Variants in CHST6 observed in about 807,000 individuals in gnomAD.
The protein encoded by CHST6 is carbohydrate sulfotransferase 6.
For synonymous variants in CHST6, 309 were observed against 276.4 expected (o/e 1.12, Z -1.17); for missense variants, 698 against 586.2 (o/e 1.19, Z -1.97).
chr16:75,491,012 T>C (rs943871730), intron 1 of CHST6, among the ~76,000 whole-genome samples: 6 of 151,168 alleles, frequency 4.0e-5, no homozygotes, highest in African/African-American at 1.2e-4. Context: ...TTTTAAAATA[T>C]AAACTTTGGG....
In CHST6 at chr16:75,479,820, C is replaced by T. The variant is rs1401069449; in HGVS notation, c.9G>A (p.Leu3=). 1.9e-6 allele frequency: 3 copies of T among 1,557,486 alleles called. No individual in the cohort carries two copies. The South Asian group carries it at 3.5e-5, about 18-fold the overall frequency. The change falls in exon 3 of 3, where the codon CTG becomes CTA. Residue 3 remains leucine, a synonymous_variant. Coordinates refer to ENST00000332272, the MANE Select transcript of CHST6 (RefSeq NM_021615.5). MW[L]PRVSSTAVTA... Reference sequence around the variant, plus strand: ...TCACTGCTGTGCTGGAGACGCGCGGCAGCCACATGCTGACTGCTGGGGGCC... The same window carrying T: ...TCACTGCTGTGCTGGAGACGCGCGGTAGCCACATGCTGACTGCTGGGGGCC...
intron 1 of CHST6, among the ~76,000 whole-genome samples, chr16:75,487,074 A>G (rs2080205541): frequency 6.6e-6 from 1 of 152,208 alleles, no homozygotes; most frequent in Non-Finnish European, 1.5e-5. Context: ...ACATGAACAA[A>G]TACTTGCCAT....
intron 1 of CHST6, among the ~76,000 whole-genome samples, chr16:75,489,088 G>C (rs547765533): frequency 2.6e-5 from 4 of 151,758 alleles, no homozygotes; most frequent in Non-Finnish European, 4.4e-5. Flanking sequence ...TTATAGATGA[G>C]GAAAGTGAGG....
chr16:75,489,581 T>C (rs1169944560), intron 1 of CHST6, among the ~76,000 whole-genome samples: 1 of 151,890 alleles, frequency 6.6e-6, no homozygotes, highest in African/African-American at 2.4e-5. Flanking sequence ...CATCTGTGTG[T>C]GTTCTTAGAT....
intron 1 of CHST6, among the ~76,000 whole-genome samples, chr16:75,494,698 G>A (rs1233602353): frequency 2.0e-5 from 3 of 152,188 alleles, no homozygotes. Context: ...GACAAAAGGG[G>A]TTCTCCCCTC....
Position 75,478,341 on chromosome 16 carries a change from A to C in CHST6, c.*300T>G. 2.2e-6 allele frequency: 1 copy of C among 453,756 alleles called. No homozygotes were observed. The highest frequency in any genetic ancestry group is 3.4e-5 in the Admixed American group (1 of 29,010). 28.1% of individuals were successfully genotyped at this position (453,756 alleles called of 1,614,324 possible). Reference sequence around the variant, plus strand: ...ACCAGAAGGAGAGAGTTAAAGGGGAAGAAAGCCCTTGAGTAGGAGCCAAGT... The same window carrying C: ...ACCAGAAGGAGAGAGTTAAAGGGGACGAAAGCCCTTGAGTAGGAGCCAAGT... On this transcript the variant is annotated 3_prime_UTR_variant, in exon 3 of 3. Coordinates refer to ENST00000332272, the MANE Select transcript of CHST6 (RefSeq NM_021615.5).
chr16:75,488,859 C>G (rs1027173874), intron 1 of CHST6, among the ~76,000 whole-genome samples: 3 of 151,888 alleles, frequency 2.0e-5, no homozygotes, highest in African/African-American at 7.3e-5. Context: ...TGCACTCCAG[C>G]CTGGGCAACA....
chr16:75,479,062 G>A lies in CHST6; in HGVS notation c.767C>T (p.Ala256Val), dbSNP rs1380596777. 6.2e-7 allele frequency: 1 copy of A among 1,606,550 alleles called. No individual in the cohort carries two copies. The highest frequency in any genetic ancestry group is 1.7e-5 in the Admixed American group (1 of 59,972). ...CRSHVRIAEA[A>V]TLKPPPFLRG... ...CAGAAAGGGTGGCGGCTTGAGTGTG[G>A]CGGCCTCGGCGATGCGTACGTGGCT... The change falls in exon 3 of 3, where the codon GCC (alanine) becomes GTC (valine). Residue 256 changes from alanine (A) to valine (V), a missense_variant. By Grantham distance (64) the Ala-to-Val change is moderately conservative (BLOSUM62 0). Coordinates refer to ENST00000332272, the MANE Select transcript of CHST6 (RefSeq NM_021615.5).
chr16:75,485,661 A>G (rs2080188668), intron 1 of CHST6, among the ~76,000 whole-genome samples: 1 of 152,230 alleles, frequency 6.6e-6, no homozygotes, highest in African/African-American at 2.4e-5. Context: ...AGTAGAACAA[A>G]AAACATAAAT....
At chr16:75,485,008 C>G (rs1353046046) in intron 1 of CHST6, among the ~76,000 whole-genome samples, 4 of 152,208 alleles carry the variant, frequency 2.6e-5, no homozygotes, top group Non-Finnish European at 5.9e-5. Flanking sequence ...TTTCCTATCT[C>G]TCATGCCCTC....
rs192819198 is a variant in CHST6 at position 75,478,918 on chromosome 16, T to C, written c.911A>G (p.His304Arg). The C allele has an allele frequency of 3.7e-6, 6 of 1,613,234 alleles. No individual in the cohort carries two copies. In the East Asian group the frequency reaches 1.1e-4, roughly 30 times the overall value. The change falls in exon 3 of 3, where the codon CAT becomes CGT. Residue 304 changes from histidine to arginine, a missense_variant. Transcript: ENST00000332272. ...SLTPQLEAWI[H>R]NITHGSGPGA... The stretch of plus-strand genomic sequence containing the variant: ...AGGTCCAGATCCGTGGGTGATGTTA[T>C]GGATCCAGGCCTCGAGCTGTGGCGT...
Position 75,478,752 on chromosome 16 carries a change from C to T in CHST6, c.1077G>A (p.Arg359=), listed in dbSNP as rs772588909. The T allele has an allele frequency of 3.3e-5, 53 of 1,613,554 alleles. No individual in the cohort carries two copies. Among genetic ancestry groups the T allele is most frequent in the Non-Finnish European group, 4.5e-5 (53 of 1,180,020 alleles). Residue 359 remains arginine, a synonymous_variant, in exon 3 of 3, where the codon CGG becomes CGA. Transcript: ENST00000332272. ...CAGALQLLGY[R]PVYSEDEQRN... is the part of the protein sequence containing the mutation. ...GCTGCTCGTCCTCAGAGTACACAGG[C>T]CGGTAGCCCAGCAGCTGCAGCGCAC...
At chr16:75,479,966 G>A (rs2080121789) in intron 2 of CHST6, 122 bp from the exon 3 acceptor site, 7 of 804,616 alleles carry the variant, frequency 8.7e-6, no homozygotes, top group Admixed American at 8.0e-5. Flanking sequence ...GAACATGATG[G>A]TCTCAGTGGG....
chr16:75,480,444 C>T (rs1206057103), intron 2 of CHST6, among the ~76,000 whole-genome samples: 2 of 152,124 alleles, frequency 1.3e-5, no homozygotes, highest in Non-Finnish European at 2.9e-5. Flanking sequence ...GCACATAATA[C>T]AGGATTTAAG....
At chr16:75,494,780 C>T (rs971435151) in intron 1 of CHST6, among the ~76,000 whole-genome samples, 160 bp downstream of exon 1, 5 of 152,360 alleles carry the variant, frequency 3.3e-5, no homozygotes, top group African/African-American at 1.2e-4. Flanking sequence ...AGCGGCGATG[C>T]CCTTTCCACG....
At position 75,479,301 on chromosome 16, in the gene CHST6, C is replaced by A. The variant is rs371934938; in HGVS notation, c.528G>T (p.Val176=). 1 of 1,613,276 alleles carries A rather than the reference C, an allele frequency of 6.2e-7. No individual in the cohort carries two copies. The highest frequency in any genetic ancestry group is 8.5e-7 in the Non-Finnish European group (1 of 1,179,792). The part of the protein sequence containing the change: ...RSYSHVVLKE[V]RFFNLQVLYP... Reference sequence around the variant, plus strand: ...AGAGCACCTGCAGGTTGAAGAAGCGCACCTCCTTGAGCACCACGTGGCTGT... The same window carrying A: ...AGAGCACCTGCAGGTTGAAGAAGCGAACCTCCTTGAGCACCACGTGGCTGT... The change falls in exon 3 of 3, where the codon GTG becomes GTT. Residue 176 remains valine, a synonymous_variant. Coordinates refer to ENST00000332272, the MANE Select transcript of CHST6 (RefSeq NM_021615.5).
At position 75,477,383 on chromosome 16, in the gene CHST6, T is replaced by C. The variant is rs1355232085; in HGVS notation, c.*1258A>G. 2 of 152,204 alleles carry C rather than the reference T, an allele frequency of 1.3e-5. No individual in the cohort carries two copies. The highest frequency in any genetic ancestry group is 1.3e-4 in the Admixed American group (2 of 15,280). 9.4% of individuals were successfully genotyped at this position (152,204 alleles called of 1,614,324 possible). On this transcript the variant is annotated 3_prime_UTR_variant, in exon 3 of 3. Coordinates refer to ENST00000332272, the MANE Select transcript of CHST6 (RefSeq NM_021615.5). ...ACCCAGGATGAGGATCAGAAGCTAG[T>C]GACCACCAGCATCGCTCCTGGTAGC...
At position 75,479,474 on chromosome 16, in the gene CHST6, C is replaced by T; in HGVS notation, c.355G>A (p.Asp119Asn). The T allele has an allele frequency of 1.2e-6, 2 of 1,612,906 alleles. No homozygotes were observed. The highest frequency in any genetic ancestry group is 1.7e-6 in the Non-Finnish European group (2 of 1,179,866). The change falls in exon 3 of 3, where the codon GAC becomes AAC. Residue 119 changes from aspartate to asparagine, a missense_variant. Physicochemically the swap from Asp to Asn is conservative, Grantham distance 23. Coordinates refer to ENST00000332272, the MANE Select transcript of CHST6 (RefSeq NM_021615.5). The stretch of plus-strand genomic sequence containing the variant: ...CGGCTCACGGCCCACTGGAAGAGGT[C>T]GGACAGGTTGCGGCGCCAAGGCAGA... ...AYLPWRRNLSDLFQWAVSRAL... is the reference protein window; with the variant it reads ...AYLPWRRNLSNLFQWAVSRAL...
chr16:75,483,055 G>C (rs2080159585), intron 1 of CHST6, among the ~76,000 whole-genome samples: 1 of 152,260 alleles, frequency 6.6e-6, no homozygotes, highest in South Asian at 2.1e-4. Flanking sequence ...ACAAGTGCTA[G>C]GTGCTTCAAG....
Sources: allele counts gnomAD v4.1 joint callset (sites outside exome capture counted in the v4.1 genomes callset), GRCh38; gene constraint gnomAD v4.1.1; transcripts MANE v1.5; gene names NCBI Gene and HGNC (gene_info 2026-07-23, HGNC 2026-07-21).